The following PRH1 variants were observed in gnomAD, a reference collection of about 807,000 sequenced individuals.
PRH1 encodes the protein salivary acidic proline-rich phosphoprotein 1/2.
PRH1 carries 7 observed loss-of-function variants against 7.9 expected under a neutral mutation model. The observed-to-expected ratio is 0.89, with a 90% CI of 0.50 to 1.67. The LOEUF (loss-of-function observed/expected upper bound fraction) is 1.67, where lower values mean the gene tolerates loss of function less well. PRH1 is among the 40% of genes most tolerant of loss of function. The pLI is 0.00. For missense variants in PRH1, 109 were observed against 223.6 expected (o/e 0.49, Z 3.27); for synonymous variants, 45 against 80.8 (o/e 0.56, Z 2.38).
At chr12:11,045,654 A>G (rs1327809363) in intron 1 of PRH1, among the ~76,000 whole-genome samples, 4 of 119,144 alleles carry the variant, frequency 3.4e-5, no homozygotes, top group African/African-American at 1.1e-4. Flanking sequence ...ACATAATGTT[A>G]AAATACCAAA....
intron 1 of PRH1, among the ~76,000 whole-genome samples, chr12:11,046,423 C>A (rs1375152838): frequency 6.6e-6 from 1 of 152,040 alleles, no homozygotes; most frequent in East Asian, 1.9e-4. Flanking sequence ...CCTTTTCTGG[C>A]CTTCTCCTTT....
intron 2 of PRH1, chr12:10,938,449 G>C (rs761087164): frequency 1.2e-6 from 2 of 1,614,016 alleles, no homozygotes; most frequent in East Asian, 2.2e-5. Flanking sequence ...ACCTTTCAGA[G>C]GTCCAAACTG....
chr12:11,116,715 A>G (rs932110654), downstream of PRH1, among the ~76,000 whole-genome samples: 1 of 152,124 alleles, frequency 6.6e-6, no homozygotes, highest in African/African-American at 2.4e-5. Context: ...CATTAAAAAG[A>G]TATTTCCTCA....
At chr12:10,964,158 A>G (rs1237142237) in intron 2 of PRH1, among the ~76,000 whole-genome samples, 1 of 152,234 alleles carries the variant, frequency 6.6e-6, no homozygotes, top group Non-Finnish European at 1.5e-5. Context: ...ATTCTGAAAA[A>G]TTTCTTACAA....
At chr12:10,991,841 C>T (rs1391508466) in intron 1 of PRH1, among the ~76,000 whole-genome samples, 2 of 152,080 alleles carry the variant, frequency 1.3e-5, no homozygotes, top group African/African-American at 4.8e-5. Flanking sequence ...TCCTGAAATG[C>T]AAATAAACCA....
downstream of PRH1, among the ~76,000 whole-genome samples, chr12:11,118,087 T>C (rs551711528): frequency 2.0e-5 from 3 of 152,190 alleles, no homozygotes; most frequent in Non-Finnish European, 4.4e-5. Context: ...AGTTAAAAAA[T>C]ACTTCTGCAC....
At chr12:11,004,711 T>A (rs552995953) in intron 1 of PRH1, among the ~76,000 whole-genome samples, 1 of 152,138 alleles carries the variant, frequency 6.6e-6, no homozygotes, top group African/African-American at 2.4e-5. Context: ...AAGTTTCAAA[T>A]ACTTTTTTGT....
In PRH1 at chr12:10,919,072, A is replaced by G. The variant is rs1188598881; in HGVS notation, c.-58-34797T>C. 3.3e-5 allele frequency among the ~76,000 whole-genome samples: 5 copies of G among 152,084 alleles called. No individual in the cohort carries two copies. The East Asian group carries it at 9.6e-4, about 29-fold the overall frequency. ...TCAAGATTACAAAACAATTCTTGGTATTTTCTCTGTTTGATTGTTTACTTT... is the reference window on the plus strand; with the variant it reads ...TCAAGATTACAAAACAATTCTTGGTGTTTTCTCTGTTTGATTGTTTACTTT... On this transcript the variant is annotated intron_variant, in intron 2 of 3. Transcript: ENST00000539853.
chr12:11,026,807 C>T (rs562473063), intron 1 of PRH1, among the ~76,000 whole-genome samples: 170 of 152,060 alleles, frequency 1.1e-3, no homozygotes, highest in African/African-American at 4.0e-3. Flanking sequence ...TTTTACTGGG[C>T]TTGTGATTTG....
chr12:10,987,237 T>A (rs1030375213), intron 1 of PRH1, among the ~76,000 whole-genome samples: 1 of 152,152 alleles, frequency 6.6e-6, no homozygotes, highest in Non-Finnish European at 1.5e-5. Context: ...GTTTAACCGA[T>A]ACGTAATTTG....
chr12:11,127,201 T>C (rs1159046467), intron 1 of PRH1, among the ~76,000 whole-genome samples: 18 of 152,396 alleles, frequency 1.2e-4, no homozygotes, highest in South Asian at 1.0e-3. Flanking sequence ...TACTATATGC[T>C]TGTTATAAGA....
intron 1 of PRH1, among the ~76,000 whole-genome samples, chr12:11,125,611 G>A (rs1195489808): frequency 6.6e-6 from 1 of 152,258 alleles, no homozygotes; most frequent in Admixed American, 6.5e-5. Context: ...GTGTACACAT[G>A]CATGGTATTA....
At chr12:10,881,270 G>A (rs1214706237) in intron 3 of PRH1, among the ~76,000 whole-genome samples, 1 of 152,180 alleles carries the variant, frequency 6.6e-6, no homozygotes, top group Admixed American at 6.5e-5. Flanking sequence ...GCTTAGATGA[G>A]AAAGAGAAAC....
intron 1 of PRH1, among the ~76,000 whole-genome samples, chr12:11,060,991 T>C (rs1053582295): frequency 7.2e-5 from 11 of 152,256 alleles, no homozygotes; most frequent in African/African-American, 2.2e-4. Flanking sequence ...GATAAGCTGA[T>C]AGTTCTTAAT....
At chr12:11,114,218 C>A (rs1945669161) in intron 1 of PRH1, among the ~76,000 whole-genome samples, 1 of 152,136 alleles carries the variant, frequency 6.6e-6, no homozygotes, top group African/African-American at 2.4e-5. Flanking sequence ...ATGTTTATTG[C>A]AGCATTGTTC....
intron 1 of PRH1, among the ~76,000 whole-genome samples, chr12:11,108,444 T>A (rs1181040173): frequency 6.6e-6 from 1 of 152,162 alleles, no homozygotes; most frequent in Middle Eastern, 3.2e-3. Context: ...GGTGGGTGAT[T>A]TCTGCATTTC....
At chr12:10,930,359 G>C in intron 2 of PRH1, 1 of 1,577,538 alleles carries the variant, frequency 6.3e-7, no homozygotes, top group South Asian at 1.1e-5. Context: ...CTGAAAAATT[G>C]ATCAGTTCTC....
At chr12:10,987,097 A>G (rs553373883) in intron 1 of PRH1, among the ~76,000 whole-genome samples, 6 of 152,314 alleles carry the variant, frequency 3.9e-5, no homozygotes, top group Admixed American at 1.3e-4. Flanking sequence ...AAATTAACTC[A>G]TTCATTCAAT....
intron 1 of PRH1, among the ~76,000 whole-genome samples, chr12:11,152,916 G>C (rs1947143635): frequency 6.6e-6 from 1 of 152,156 alleles, no homozygotes; most frequent in Non-Finnish European, 1.5e-5. Flanking sequence ...TGAGACTGTG[G>C]ATCATGACAG....
Sources: gnomAD v4.1 joint callset for allele counts (sites outside exome capture counted in the v4.1 genomes callset) on GRCh38, gnomAD v4.1.1 for gene constraint, MANE v1.5 for transcripts, NCBI Gene and HGNC (gene_info 2026-07-23, HGNC 2026-07-21) for gene names.